Variants in DMRT1 observed in about 807,000 individuals in gnomAD.
DMRT1 encodes the protein doublesex- and mab-3-related transcription factor 1.
Under a neutral mutation model 32.3 loss-of-function variants are expected in DMRT1, and 7 were observed. The ratio of observed to expected loss-of-function variants is 0.22; its 90% CI spans 0.12 to 0.41. DMRT1 has a LOEUF of 0.41. Ranked by LOEUF, DMRT1 falls within the 10% of genes least tolerant of loss-of-function variation. The pLI, the probability that DMRT1 is intolerant of heterozygous loss-of-function variation, is 1.00. For missense variants in DMRT1, 625 were observed against 500.5 expected (o/e 1.25, Z -2.37); for synonymous variants, 278 against 206.1 (o/e 1.35, Z -2.99).
intron 2 of DMRT1, among the ~76,000 whole-genome samples, chr9:849,921 T>C (rs1839068388): frequency 6.6e-6 from 1 of 152,154 alleles, no homozygotes; most frequent in South Asian, 2.1e-4. Flanking sequence ...CCTCCCAGGT[T>C]CAAGCGATAC....
intron 4 of DMRT1, among the ~76,000 whole-genome samples, chr9:920,607 C>T (rs1349081131): frequency 6.6e-6 from 1 of 152,124 alleles, no homozygotes; most frequent in African/African-American, 2.4e-5. Context: ...AGGAGTTTTG[C>T]TGTAAGAGGA....
intron 4 of DMRT1, among the ~76,000 whole-genome samples, chr9:951,827 A>C (rs916095026): frequency 2.0e-5 from 3 of 152,138 alleles, no homozygotes; most frequent in African/African-American, 7.2e-5. Flanking sequence ...CAAACACATA[A>C]TAGAGAAAAA....
At chr9:880,855 G>C (rs549152186) in intron 2 of DMRT1, among the ~76,000 whole-genome samples, 2 of 152,224 alleles carry the variant, frequency 1.3e-5, no homozygotes, top group South Asian at 4.2e-4. Flanking sequence ...AGCAAAAAAG[G>C]CAAATTACAT....
intron 4 of DMRT1, among the ~76,000 whole-genome samples, chr9:945,122 G>T (rs1383058746): frequency 6.6e-6 from 1 of 152,076 alleles, no homozygotes; most frequent in East Asian, 1.9e-4. Flanking sequence ...TAACAGTATA[G>T]CTAGCTAGAC....
At chr9:868,403 C>T (rs1308548143) in intron 2 of DMRT1, among the ~76,000 whole-genome samples, 1 of 152,138 alleles carries the variant, frequency 6.6e-6, no homozygotes, top group African/African-American at 2.4e-5. Flanking sequence ...TTGATGATTG[C>T]TTTAAAAAAA....
At chr9:902,005 G>A (rs1435892256) in intron 3 of DMRT1, among the ~76,000 whole-genome samples, 1 of 146,372 alleles carries the variant, frequency 6.8e-6, no homozygotes, top group Admixed American at 6.9e-5. Context: ...CTCCTCCCTA[G>A]TTCAAGCGGT....
At chr9:924,772 A>C in intron 4 of DMRT1, among the ~76,000 whole-genome samples, 1 of 152,230 alleles carries the variant, frequency 6.6e-6, no homozygotes. Flanking sequence ...CAAGTAAAAC[A>C]CACCAGTGCT....
chr9:967,794 A>AT (rs1195634289), intron 4 of DMRT1, among the ~76,000 whole-genome samples, 191 bp from the exon 5 acceptor site: 2 of 152,172 alleles, frequency 1.3e-5, no homozygotes, highest in East Asian at 3.8e-4. Flanking sequence ...GTAGAATACT[A>AT]TTTTTTTATT....
intron 3 of DMRT1, among the ~76,000 whole-genome samples, chr9:896,245 A>C (rs1242311536): frequency 6.6e-6 from 1 of 151,396 alleles, no homozygotes; most frequent in Non-Finnish European, 1.5e-5. Context: ...TTGAAGGAGT[A>C]AGAACATTTT....
At chr9:922,622 G>T (rs369646873) in intron 4 of DMRT1, among the ~76,000 whole-genome samples, 1 of 152,208 alleles carries the variant, frequency 6.6e-6, no homozygotes, top group Non-Finnish European at 1.5e-5. Flanking sequence ...GTTGGTGAAG[G>T]TAATACACTT....
intron 4 of DMRT1, among the ~76,000 whole-genome samples, chr9:966,037 G>A (rs944310783): frequency 2.0e-5 from 3 of 152,110 alleles, no homozygotes; most frequent in African/African-American, 4.8e-5. Flanking sequence ...ATTAACGCAC[G>A]GACTCCAGGA....
At chr9:881,349 A>C (rs987114628) in intron 2 of DMRT1, among the ~76,000 whole-genome samples, 7 of 152,226 alleles carry the variant, frequency 4.6e-5, no homozygotes, top group Admixed American at 1.3e-4. Context: ...GGTGAGGTAT[A>C]ATTCGGTTTC....
chr9:956,123 C>T (rs1441729924), intron 4 of DMRT1, among the ~76,000 whole-genome samples: 5 of 152,184 alleles, frequency 3.3e-5, no homozygotes, highest in African/African-American at 1.2e-4. Flanking sequence ...TATTCTACAA[C>T]ATGGATGAAA....
At chr9:862,027 C>G (rs1288003117) in intron 2 of DMRT1, among the ~76,000 whole-genome samples, 1 of 150,648 alleles carries the variant, frequency 6.6e-6, no homozygotes, top group Non-Finnish European at 1.5e-5. Flanking sequence ...ACTGGGCGGC[C>G]GGGCGGAGGG....
chr9:889,767 A>G (rs150219540), intron 2 of DMRT1, among the ~76,000 whole-genome samples: 1 of 152,240 alleles, frequency 6.6e-6, no homozygotes, highest in East Asian at 1.9e-4. Flanking sequence ...CTGCTACTGT[A>G]TTTTGTTTTC....
intron 2 of DMRT1, among the ~76,000 whole-genome samples, chr9:892,071 C>A (rs1199208022): frequency 2.0e-5 from 3 of 152,144 alleles, no homozygotes; most frequent in Admixed American, 6.5e-5. Context: ...TCCTTGCTCT[C>A]TTGCAGGCCT....
chr9:940,992 C>T (rs1156279433), intron 4 of DMRT1, among the ~76,000 whole-genome samples: 1 of 152,140 alleles, frequency 6.6e-6, no homozygotes, highest in Non-Finnish European at 1.5e-5. Context: ...GAGATACTGC[C>T]TCACACACAT....
chr9:861,271 TAAG>T (rs1426678817), intron 2 of DMRT1, among the ~76,000 whole-genome samples: 1 of 151,978 alleles, frequency 6.6e-6, no homozygotes, highest in Non-Finnish European at 1.5e-5. Context: ...TGATGACTCT[TAAG>T]GAGCATGCTG....
intron 4 of DMRT1, among the ~76,000 whole-genome samples, chr9:967,023 T>C (rs992485836): frequency 1.3e-5 from 2 of 152,194 alleles, no homozygotes; most frequent in Non-Finnish European, 2.9e-5. Context: ...ACACAAACAT[T>C]AGTATTAACG....
Sources: gnomAD v4.1 joint callset for allele counts (sites outside exome capture counted in the v4.1 genomes callset) on GRCh38, gnomAD v4.1.1 for gene constraint, MANE v1.5 for transcripts, NCBI Gene and HGNC (gene_info 2026-07-23, HGNC 2026-07-21) for gene names.